The following PPP1R1C variants were observed in gnomAD, a reference collection of about 807,000 sequenced individuals.
The protein encoded by PPP1R1C is protein phosphatase 1 regulatory inhibitor subunit 1C, also known as protein phosphatase 1 regulatory subunit 1C.
Under a neutral mutation model 17.4 loss-of-function variants are expected in PPP1R1C, and 15 were observed. The observed-to-expected ratio is 0.86, with a 90% CI of 0.58 to 1.33. The LOEUF is 1.33. Ranked by LOEUF, PPP1R1C falls within the 40% of genes most tolerant of loss-of-function variation. PPP1R1C has a pLI of 0.00. For synonymous variants in PPP1R1C, 35 were observed against 43.1 expected (o/e 0.81, Z 0.73); for missense variants, 143 against 130.0 (o/e 1.10, Z -0.48).
chr2:182,003,460 A>C (rs371649875), intron 2 of PPP1R1C, among the ~76,000 whole-genome samples: 40 of 152,184 alleles, frequency 2.6e-4, no homozygotes, highest in African/African-American at 9.6e-4. Context: ...AAATACTTGC[A>C]TTTTTTAAGA....
At chr2:182,061,269 ATATCAAAAGGAAAC>A (rs979038064) in intron 2 of PPP1R1C, among the ~76,000 whole-genome samples, 159 bp from the exon 3 acceptor site, 1 of 152,090 alleles carries the variant, frequency 6.6e-6, no homozygotes, top group African/African-American at 2.4e-5. Context: ...GGAGAAGGTT[ATATCAAAAGGAAAC>A]CACCCACCTC....
intron 2 of PPP1R1C, among the ~76,000 whole-genome samples, chr2:181,992,098 A>G (rs1279542214): frequency 2.6e-5 from 4 of 152,208 alleles, no homozygotes; most frequent in Admixed American, 6.5e-5. Flanking sequence ...TTAACCACAC[A>G]TCTTCATGAC....
At chr2:181,998,461 A>C (rs1685675901) in intron 2 of PPP1R1C, among the ~76,000 whole-genome samples, 1 of 152,228 alleles carries the variant, frequency 6.6e-6, no homozygotes, top group African/African-American at 2.4e-5. Flanking sequence ...TCTCATGAAT[A>C]GCTCATCGAT....
intron 2 of PPP1R1C, among the ~76,000 whole-genome samples, chr2:182,046,373 A>G (rs927196936): frequency 4.6e-5 from 7 of 152,066 alleles, no homozygotes; most frequent in African/African-American, 1.7e-4. Context: ...CCAATATTAA[A>G]CATAGCTTTG....
At chr2:182,092,330 T>C (rs1688805448) in intron 4 of PPP1R1C, among the ~76,000 whole-genome samples, 1 of 152,108 alleles carries the variant, frequency 6.6e-6, no homozygotes, top group Non-Finnish European at 1.5e-5. Context: ...GCTCCTATGA[T>C]TCAACCATCT....
At chr2:181,990,011 A>T (rs1447535300) in intron 2 of PPP1R1C, among the ~76,000 whole-genome samples, 1 of 152,234 alleles carries the variant, frequency 6.6e-6, no homozygotes, top group East Asian at 1.9e-4. Flanking sequence ...AAATAACTCT[A>T]AAGATAAAAC....
chr2:182,124,314 G>GGTTTTTTTTTTGTTTTT (rs1689812754), intron 5 of PPP1R1C, among the ~76,000 whole-genome samples: 1 of 42,100 alleles, frequency 2.4e-5, no homozygotes, highest in African/African-American at 6.8e-5. Context: ...GTTTTTTTTT[G>GGTTTTTTTTTTGTTTTT]TTTTTTTTTT....
At chr2:182,067,162 A>G (rs933406491) in intron 4 of PPP1R1C, among the ~76,000 whole-genome samples, 3 of 152,074 alleles carry the variant, frequency 2.0e-5, no homozygotes, top group African/African-American at 7.2e-5. Context: ...CAGATTTTTC[A>G]TTTACTTCTG....
At chr2:181,995,596 A>G (rs1448732900) in intron 2 of PPP1R1C, among the ~76,000 whole-genome samples, 1 of 152,218 alleles carries the variant, frequency 6.6e-6, no homozygotes, top group Non-Finnish European at 1.5e-5. Context: ...ACAGTTGTTC[A>G]GTTTCAAATT....
chr2:181,960,595 C>A (rs1034599640), intron 1 of PPP1R1C, among the ~76,000 whole-genome samples: 1 of 152,220 alleles, frequency 6.6e-6, no homozygotes, highest in Non-Finnish European at 1.5e-5. Flanking sequence ...TCTCTCTCCC[C>A]CTCTCTTCAA....
chr2:182,014,780 C>T (rs1419908749), intron 2 of PPP1R1C, among the ~76,000 whole-genome samples: 3 of 151,288 alleles, frequency 2.0e-5, no homozygotes, highest in South Asian at 4.2e-4. Flanking sequence ...TCCCACTCTT[C>T]CATCTCATTT....
intron 2 of PPP1R1C, among the ~76,000 whole-genome samples, chr2:182,030,264 G>T (rs577663124): frequency 3.3e-5 from 5 of 152,194 alleles, no homozygotes; most frequent in Admixed American, 1.3e-4. Flanking sequence ...GAAGAACTGC[G>T]TTCCTTTGGA....
At chr2:181,996,629 A>G (rs1685619413) in intron 2 of PPP1R1C, among the ~76,000 whole-genome samples, 1 of 152,238 alleles carries the variant, frequency 6.6e-6, no homozygotes, top group African/African-American at 2.4e-5. Flanking sequence ...CACAATTACA[A>G]TTTGACCTTG....
chr2:182,034,591 G>A (rs1039991075), intron 2 of PPP1R1C, among the ~76,000 whole-genome samples: 1 of 151,958 alleles, frequency 6.6e-6, no homozygotes, highest in Non-Finnish European at 1.5e-5. Flanking sequence ...AACTTTTAAG[G>A]GCAGGACTGG....
intron 1 of PPP1R1C, among the ~76,000 whole-genome samples, chr2:181,972,606 T>G (rs979427972): frequency 6.6e-6 from 1 of 152,152 alleles, no homozygotes; most frequent in Non-Finnish European, 1.5e-5. Context: ...TAGAGATGTT[T>G]GCTAAGTAGC....
At chr2:182,077,788 T>G (rs937710446) in intron 4 of PPP1R1C, among the ~76,000 whole-genome samples, 1 of 152,172 alleles carries the variant, frequency 6.6e-6, no homozygotes, top group African/African-American at 2.4e-5. Flanking sequence ...ACTCAGTGCT[T>G]ATTAGATCAT....
At chr2:182,112,244 AT>A (rs1423581710) in intron 4 of PPP1R1C, among the ~76,000 whole-genome samples, 1 of 151,704 alleles carries the variant, frequency 6.6e-6, no homozygotes, top group Non-Finnish European at 1.5e-5. Context: ...AGACCACAAT[AT>A]TTTTTTCTGT....
intron 5 of PPP1R1C, among the ~76,000 whole-genome samples, chr2:182,125,661 T>C (rs1438915664): frequency 6.6e-6 from 1 of 152,194 alleles, no homozygotes; most frequent in East Asian, 1.9e-4. Flanking sequence ...CCATTTCTTC[T>C]AGATTTTCTA....
intron 2 of PPP1R1C, among the ~76,000 whole-genome samples, chr2:181,993,688 G>A (rs1279176132): frequency 2.0e-5 from 3 of 152,098 alleles, no homozygotes; most frequent in Admixed American, 2.0e-4. Context: ...AATGCTGAAT[G>A]ATTTTTTAAA....
Sources: gnomAD v4.1 joint callset for allele counts (sites outside exome capture counted in the v4.1 genomes callset) on GRCh38, gnomAD v4.1.1 for gene constraint, MANE v1.5 for transcripts, NCBI Gene and HGNC (gene_info 2026-07-23, HGNC 2026-07-21) for gene names.